Variants in COL15A1 observed in about 807,000 individuals in gnomAD.
The protein encoded by COL15A1 is collagen type XV alpha 1 chain.
A neutral mutation model predicts 165.9 loss-of-function variants in COL15A1; 111 were observed. The ratio of observed to expected loss-of-function variants is 0.67; its 90% CI spans 0.57 to 0.78. The LOEUF is 0.78. Ranked by LOEUF, COL15A1 falls within the 30% of genes least tolerant of loss-of-function variation. The pLI, the probability that COL15A1 is intolerant of heterozygous loss-of-function variation, is 0.00. For missense variants in COL15A1, 1,745 were observed against 1,789.7 expected, an observed-to-expected ratio of 0.98 and a Z score of 0.45; for synonymous variants, 659 against 674.8, an observed-to-expected ratio of 0.98 and a Z score of 0.36.
intron 2 of COL15A1, among the ~76,000 whole-genome samples, chr9:98,970,477 G>A (rs1838029623): frequency 6.6e-6 from 1 of 152,222 alleles, no homozygotes; most frequent in Non-Finnish European, 1.5e-5. Context: ...GCCCTTAAGG[G>A]GGTAGCAGGA....
chr9:99,052,248 G>T, intron 30 of COL15A1, 140 bp from the exon 31 acceptor site: 2 of 699,218 alleles, frequency 2.9e-6, no homozygotes, highest in South Asian at 3.3e-5. Flanking sequence ...TCAGGGCTTT[G>T]GGGGACTCCA....
rs773196929 is a variant in COL15A1 at position 99,024,277 on chromosome 9, G to GTTTTTTTTTTTTTTTTTTTTT, written c.1855-590_1855-589insTTTTTTTTTTTTTTTTTTTTT. 3.7e-5 allele frequency among the ~76,000 whole-genome samples: 4 copies of GTTTTTTTTTTTTTTTTTTTTT among 108,628 alleles called. 2 individuals are homozygous for GTTTTTTTTTTTTTTTTTTTTT. The highest frequency in any genetic ancestry group is 3.7e-5 in the Non-Finnish European group (2 of 54,568). The allele number at this position is 108,628 out of a possible 152,430, so 71.3% of individuals were successfully genotyped here. ...GGCTACACCACAAGCAGTTTTTTTT[G>GTTTTTTTTTTTTTTTTTTTTT]TTTTTTTGTTTTTTTTTTTTTGAGA... is the stretch of plus-strand genomic sequence containing the variant. On this transcript the variant is annotated intron_variant, in intron 14 of 41. Transcript: ENST00000375001.
At chr9:98,985,499 T>C (rs1248698270) in intron 2 of COL15A1, 66 bp from the exon 3 acceptor site, 2 of 1,459,476 alleles carry the variant, frequency 1.4e-6, no homozygotes, top group African/African-American at 2.8e-5. Context: ...TGACTGCGTT[T>C]CTTCCTCATT....
Position 99,040,512 on chromosome 9 carries a change from G to T in COL15A1, c.2476-9G>T. ...TAATCCAGCGTGCTCTATCTTTGGT[G>T]TGTCACAGGGGCCGGACGGGTTGCC... On this transcript the variant is annotated splice_polypyrimidine_tract_variant and intron_variant, in intron 22 of 41. Coordinates refer to ENST00000375001, the MANE Select transcript of COL15A1 (RefSeq NM_001855.5). The T allele has an allele frequency of 6.2e-7, 1 of 1,614,196 alleles. No homozygotes were observed. The highest frequency in any genetic ancestry group is 8.5e-7 in the Non-Finnish European group (1 of 1,180,042).
chr9:98,965,178 G>A (rs993290514), intron 2 of COL15A1, among the ~76,000 whole-genome samples: 6 of 152,146 alleles, frequency 3.9e-5, no homozygotes, highest in Admixed American at 3.9e-4. Flanking sequence ...AGCAGCTTGG[G>A]GTGAAATGAG....
chr9:99,068,646 G>A lies in COL15A1; in HGVS notation c.3929G>A (p.Arg1310Gln), dbSNP rs149886400. 2.2e-5 allele frequency: 34 copies of A among 1,562,668 alleles called. No individual in the cohort carries two copies. Among genetic ancestry groups the A allele is most frequent in the African/African-American group, 2.8e-5 (2 of 71,572 alleles). ...ATTCCAATATACTCCTTTGATGGTC[G>A]AGACATAATGACAGATCCTTCTTGG... ...MHIPIYSFDG[R>Q]DIMTDPSWPQ... Residue 1310 changes from arginine to glutamine, a missense_variant, in exon 41 of 42, where the codon CGA (arginine) becomes CAA (glutamine). Coordinates refer to ENST00000375001, the MANE Select transcript of COL15A1 (RefSeq NM_001855.5).
At position 98,987,336 on chromosome 9, in the gene COL15A1, C is replaced by A; in HGVS notation, c.691C>A (p.Pro231Thr). The part of the protein sequence containing the change: ...QLTVHPDPRT[P>T]EELCDPEESS... ...CACCGTGCACCCCGACCCCAGGACT[C>A]CCGAGGAGCTGTGTGACCCTGAAGA... The change falls in exon 4 of 42, where the codon CCC (proline) becomes ACC (threonine). Residue 231 changes from proline (P) to threonine (T), a missense_variant. By Grantham distance (38) the Pro-to-Thr change is conservative. Coordinates refer to ENST00000375001, the MANE Select transcript of COL15A1 (RefSeq NM_001855.5). 1 of 1,613,518 alleles carries A rather than the reference C, an allele frequency of 6.2e-7. No homozygotes were observed. Among genetic ancestry groups the A allele is most frequent in the Non-Finnish European group, 8.5e-7 (1 of 1,179,764 alleles).
intron 2 of COL15A1, among the ~76,000 whole-genome samples, chr9:98,976,054 G>C (rs1481319100): frequency 2.0e-5 from 3 of 152,196 alleles, no homozygotes; most frequent in African/African-American, 4.8e-5. Context: ...GAAGGCTTTG[G>C]AGCTTGTAAT....
chr9:99,001,020 T>C, intron 7 of COL15A1, 69 bp downstream of exon 7: 1 of 778,516 alleles, frequency 1.3e-6, no homozygotes, highest in Non-Finnish European at 2.3e-6. Flanking sequence ...AACTTGGTGA[T>C]GATTTTACTG....
At chr9:98,986,894 G>T (rs948672190) in intron 3 of COL15A1, among the ~76,000 whole-genome samples, 4 of 152,156 alleles carry the variant, frequency 2.6e-5, no homozygotes, top group Admixed American at 2.0e-4. Flanking sequence ...AGGCAGGGAG[G>T]CTGTGGTAGC....
At chr9:99,066,785 C>G in intron 39 of COL15A1, 97 bp from the exon 40 acceptor site, 1 of 1,163,752 alleles carries the variant, frequency 8.6e-7, no homozygotes, top group African/African-American at 1.5e-5. Flanking sequence ...GCCTTCCAGC[C>G]TAAGAAGTCT....
In COL15A1 at chr9:99,027,541, TC is replaced by T. The variant is rs569671421; in HGVS notation, c.2043+1581del. Among the ~76,000 whole-genome samples, 229 of 151,900 alleles carry T rather than the reference TC, an allele frequency of 1.5e-3. 1 individual carries two copies. Among genetic ancestry groups the T allele is most frequent in the African/African-American group, 5.1e-3 (210 of 41,408 alleles). The stretch of plus-strand genomic sequence containing the variant: ...TTCTTACCTGTTCTTCTTCCAGGCT[TC>T]CCCCCACCCACCCACACACACCCCT... On this transcript the variant is annotated intron_variant, in intron 16 of 41. Transcript: ENST00000375001.
At chr9:99,044,479 G>T in intron 24 of COL15A1, 89 bp from the exon 25 acceptor site, 1 of 1,165,604 alleles carries the variant, frequency 8.6e-7, no homozygotes, top group South Asian at 1.2e-5. Context: ...CTCTGTACAA[G>T]GTGGCAAGGA....
chr9:98,992,445 C>T (rs1009902671), intron 5 of COL15A1, among the ~76,000 whole-genome samples: 7 of 152,236 alleles, frequency 4.6e-5, no homozygotes, highest in East Asian at 1.9e-4. Context: ...CTCACTGGCC[C>T]GCAAGCGCTG....
intron 2 of COL15A1, among the ~76,000 whole-genome samples, chr9:98,949,116 T>C (rs1375715468): frequency 6.6e-6 from 1 of 152,250 alleles, no homozygotes; most frequent in East Asian, 1.9e-4. Context: ...GAAGTTCTGT[T>C]TTACTCGATT....
intron 26 of COL15A1, 40 bp downstream of exon 26, chr9:99,044,810 T>G (rs1295283050): frequency 6.3e-7 from 1 of 1,577,284 alleles, no homozygotes; most frequent in East Asian, 2.2e-5. Flanking sequence ...GGGCTGGGGT[T>G]TGAAGCATTT....
At chr9:98,952,284 G>C (rs963089783) in intron 2 of COL15A1, among the ~76,000 whole-genome samples, 1 of 152,126 alleles carries the variant, frequency 6.6e-6, no homozygotes, top group African/African-American at 2.4e-5. Context: ...TGAGTACTCA[G>C]GGAATATTAT....
At chr9:99,008,366 T>C (rs1838796572) in intron 9 of COL15A1, among the ~76,000 whole-genome samples, 1 of 152,162 alleles carries the variant, frequency 6.6e-6, no homozygotes, top group African/African-American at 2.4e-5. Context: ...CCAAGGGCTT[T>C]TATTGGCTCT....
In COL15A1 at chr9:98,994,686, C is replaced by T. The variant is rs981679223; in HGVS notation, c.805-2248C>T. ...ACGGTAGGGCCTCTGGAAATATGTG[C>T]AGAATGAGTAAATCTGATTGTGTGG... On this transcript the variant is annotated intron_variant, in intron 5 of 41. Coordinates refer to ENST00000375001, the MANE Select transcript of COL15A1 (RefSeq NM_001855.5). 5.9e-5 allele frequency among the ~76,000 whole-genome samples: 9 copies of T among 152,254 alleles called. No individual in the cohort carries two copies. In the East Asian group the frequency reaches 1.5e-3, roughly 26 times the overall value.
Sources: allele counts gnomAD v4.1 joint callset (sites outside exome capture counted in the v4.1 genomes callset), GRCh38; gene constraint gnomAD v4.1.1; transcripts MANE v1.5; gene names NCBI Gene and HGNC (gene_info 2026-07-23, HGNC 2026-07-21).